The following DPP6 variants were observed in gnomAD, a reference collection of about 807,000 sequenced individuals.
DPP6 encodes the protein A-type potassium channel modulatory protein DPP6.
Under a neutral mutation model 122.6 loss-of-function variants are expected in DPP6, and 69 were observed. The observed-to-expected ratio is 0.56, with a 90% CI of 0.46 to 0.69. DPP6 has a LOEUF of 0.69. Ranked by LOEUF, DPP6 falls within the 30% of genes least tolerant of loss-of-function variation. DPP6 has a pLI of 0.00. For synonymous variants in DPP6, 418 were observed against 433.1 expected, an observed-to-expected ratio of 0.97 and a Z score of 0.43; for missense variants, 928 against 1,116.9, an observed-to-expected ratio of 0.83 and a Z score of 2.41.
At chr7:154,352,371 G>A (rs1332621096) in intron 1 of DPP6, among the ~76,000 whole-genome samples, 1 of 152,008 alleles carries the variant, frequency 6.6e-6, no homozygotes, top group Admixed American at 6.6e-5. Flanking sequence ...GCTGAGGCAG[G>A]AGAATGGCCA....
intron 1 of DPP6, among the ~76,000 whole-genome samples, chr7:154,158,628 A>G (rs1796817717): frequency 6.6e-6 from 1 of 151,962 alleles, no homozygotes; most frequent in African/African-American, 2.4e-5. Context: ...TCTTTATGAA[A>G]CAACATTCCT....
At chr7:154,245,446 C>A (rs1801913260) in intron 1 of DPP6, among the ~76,000 whole-genome samples, 1 of 151,110 alleles carries the variant, frequency 6.6e-6, no homozygotes, top group African/African-American at 2.4e-5. Flanking sequence ...ACAAGCCTGG[C>A]CAACATGGTG....
intron 1 of DPP6, among the ~76,000 whole-genome samples, chr7:154,031,092 C>T (rs185093350): frequency 6.6e-6 from 1 of 152,078 alleles, no homozygotes; most frequent in African/African-American, 2.4e-5. Flanking sequence ...TGGCTATTAT[C>T]TCTTACTGAC....
chr7:154,470,655 A>G (rs1258336718), intron 2 of DPP6, among the ~76,000 whole-genome samples: 1 of 152,206 alleles, frequency 6.6e-6, no homozygotes, highest in East Asian at 1.9e-4. Flanking sequence ...CACCGTAAAG[A>G]GTAACTACAT....
intron 2 of DPP6, among the ~76,000 whole-genome samples, chr7:154,455,329 C>A (rs1218548291): frequency 6.6e-6 from 1 of 152,154 alleles, no homozygotes; most frequent in East Asian, 1.9e-4. Context: ...TCAGGCTCTG[C>A]TGAGTCAGAA....
chr7:154,375,294 C>T (rs1490301495), intron 1 of DPP6, among the ~76,000 whole-genome samples: 1 of 152,018 alleles, frequency 6.6e-6, no homozygotes, highest in East Asian at 1.9e-4. Flanking sequence ...CTGGCACACC[C>T]CAAGGGCAGG....
intron 1 of DPP6, among the ~76,000 whole-genome samples, chr7:153,930,981 C>A (rs1022724802): frequency 2.0e-5 from 3 of 152,148 alleles, no homozygotes; most frequent in Non-Finnish European, 2.9e-5. Flanking sequence ...GTTCTGAAAG[C>A]AATTCTCTAA....
the DPP6 span, among the ~76,000 whole-genome samples, chr7:153,804,025 A>G: frequency 6.7e-6 from 1 of 148,892 alleles, no homozygotes; most frequent in Non-Finnish European, 1.5e-5. Flanking sequence ...TCCACCCTCT[A>G]TCTGAAATTG....
intron 20 of DPP6, among the ~76,000 whole-genome samples, chr7:154,879,931 C>G (rs1165737169): frequency 6.6e-6 from 1 of 152,254 alleles, no homozygotes; most frequent in African/African-American, 2.4e-5. Flanking sequence ...GCCAGGAAAT[C>G]TCTTCCGGTT....
chr7:153,774,565 G>A, the DPP6 span, among the ~76,000 whole-genome samples: 1 of 152,194 alleles, frequency 6.6e-6, no homozygotes, highest in African/African-American at 2.4e-5. Context: ...CTTGCCAAAT[G>A]TGACCTAAGG....
chr7:154,323,251 T>C (rs1225945176), intron 1 of DPP6, among the ~76,000 whole-genome samples: 3 of 152,154 alleles, frequency 2.0e-5, no homozygotes, highest in African/African-American at 7.2e-5. Flanking sequence ...CGTGAAAGTC[T>C]CTTTTGGAGT....
At chr7:154,369,166 GC>G (rs1331456128) in intron 1 of DPP6, among the ~76,000 whole-genome samples, 1 of 152,132 alleles carries the variant, frequency 6.6e-6, no homozygotes, top group Non-Finnish European at 1.5e-5. Context: ...CCCGATCTCT[GC>G]CCACTGAAAC....
chr7:154,465,566 C>A (rs1275385410), intron 2 of DPP6, among the ~76,000 whole-genome samples: 1 of 152,096 alleles, frequency 6.6e-6, no homozygotes, highest in Non-Finnish European at 1.5e-5. Context: ...AGACACTTTT[C>A]AAAAGAAGAC....
chr7:153,810,651 GCTCCCTCTC>G, the DPP6 span, among the ~76,000 whole-genome samples: 2 of 135,700 alleles, frequency 1.5e-5, no homozygotes, highest in East Asian at 4.3e-4. Context: ...AATCCAAATC[GCTCCCTCTC>G]CTCTCTCTCT....
rs530596650 is a variant in DPP6 at position 154,011,615 on chromosome 7, T to G, written c.51+123881T>G. On this transcript the variant is annotated intron_variant, in intron 1 of 25. Coordinates refer to the DPP6 transcript ENST00000404039. Reference sequence around the variant, plus strand: ...AGAGATCAATTTTGCATATTATTATTTCTACCTGAAGTATTCCATCTCACT... The same window carrying G: ...AGAGATCAATTTTGCATATTATTATGTCTACCTGAAGTATTCCATCTCACT... Among the ~76,000 whole-genome samples, 1,392 of 152,290 alleles carry G rather than the reference T, an allele frequency of 9.1e-3. 12 individuals are homozygous for G. Among genetic ancestry groups the G allele is most frequent in the African/African-American group, 0.021 (891 of 41,550 alleles).
chr7:154,166,381 T>C (rs996939284), intron 1 of DPP6, among the ~76,000 whole-genome samples: 2 of 151,448 alleles, frequency 1.3e-5, no homozygotes, highest in Non-Finnish European at 2.9e-5. Context: ...GATGAGAGAG[T>C]GGATAAGAGC....
Position 154,863,055 on chromosome 7 carries a change from T to C in DPP6, c.1715-4940T>C, listed in dbSNP as rs1803551535. Among the ~76,000 whole-genome samples, 2 of 152,048 alleles carry C rather than the reference T, an allele frequency of 1.3e-5. No individual in the cohort carries two copies. Among genetic ancestry groups the C allele is most frequent in the Non-Finnish European group, 2.9e-5 (2 of 68,014 alleles). On this transcript the variant is annotated intron_variant, in intron 17 of 25. Transcript: ENST00000377770. The surrounding 1 kb of genome is among the most constrained non-coding windows in gnomAD (Gnocchi z 4.1). ...CTGGGACTACAGACATGCATCACCA[T>C]GACTGGCTAATTTTTACATTTTTCT...
intron 7 of DPP6, among the ~76,000 whole-genome samples, chr7:154,687,144 C>G (rs926891608): frequency 6.6e-6 from 1 of 151,858 alleles, no homozygotes; most frequent in African/African-American, 2.4e-5. Context: ...TGAGTGTAGA[C>G]GCTTGATGTA....
At chr7:154,715,856 T>C (rs971630587) in intron 7 of DPP6, among the ~76,000 whole-genome samples, 3 of 152,182 alleles carry the variant, frequency 2.0e-5, no homozygotes, top group Admixed American at 1.3e-4. Flanking sequence ...TACCTGGAAG[T>C]CTCAGAGGCA....
Sources: allele counts gnomAD v4.1 joint callset (sites outside exome capture counted in the v4.1 genomes callset), GRCh38; gene constraint gnomAD v4.1.1; non-coding constraint Gnocchi (gnomAD v3.1); transcripts MANE v1.5; gene names NCBI Gene and HGNC (gene_info 2026-07-23, HGNC 2026-07-21).